TBCK: variants seen among roughly 807,000 people sequenced by gnomAD.
TBCK encodes TBC1 domain containing kinase, also known as TBC domain-containing protein kinase-like protein.
A neutral mutation model predicts 113.4 loss-of-function variants in TBCK; 99 were observed. That is an observed-to-expected ratio of 0.87 (90% CI 0.74 to 1.03). The LOEUF (loss-of-function observed/expected upper bound fraction) is 1.03, where lower values mean the gene tolerates loss of function less well. Ranked by LOEUF, TBCK falls within the 50% of genes least tolerant of loss-of-function variation. The pLI is 0.00. For synonymous variants in TBCK, 369 were observed against 370.8 expected, an observed-to-expected ratio of 1.00 and a Z score of 0.05; for missense variants, 1,045 against 1,061.3, an observed-to-expected ratio of 0.98 and a Z score of 0.21.
intron 22 of TBCK, among the ~76,000 whole-genome samples, chr4:106,188,422 T>C (rs1247134651): frequency 6.6e-6 from 1 of 152,148 alleles, no homozygotes; most frequent in Non-Finnish European, 1.5e-5. Context: ...AAGGCACATA[T>C]AAACATTCAA....
At chr4:106,314,020 G>C (rs1210015031) in intron 1 of TBCK, among the ~76,000 whole-genome samples, 1 of 152,146 alleles carries the variant, frequency 6.6e-6, no homozygotes, top group Non-Finnish European at 1.5e-5. Context: ...AAACATATCA[G>C]AGCATACAGC....
chr4:106,161,907 C>T (rs2149709600), intron 23 of TBCK, among the ~76,000 whole-genome samples: 1 of 152,166 alleles, frequency 6.6e-6, no homozygotes, highest in South Asian at 2.1e-4. Context: ...TCCATCCCAG[C>T]CACTCCCAAA....
chr4:106,284,322 C>A (rs560465462), intron 3 of TBCK, among the ~76,000 whole-genome samples: 5 of 152,150 alleles, frequency 3.3e-5, no homozygotes, highest in Non-Finnish European at 7.4e-5. Flanking sequence ...CAACTCTGGA[C>A]CACATTCCAG....
intron 24 of TBCK, among the ~76,000 whole-genome samples, chr4:106,112,140 C>T (rs1350007172): frequency 6.6e-6 from 1 of 152,222 alleles, no homozygotes; most frequent in Non-Finnish European, 1.5e-5. Context: ...GGGACTAAAA[C>T]ACTCTTTCCC....
rs567384222 is a variant in TBCK, at chr4:106,303,515, AT to A, written c.193+5252del. ...GCTGCAATTTTAAACTTAAAATTTCATTTCCTTAGATGTTTACTATAGACTA... is the reference window on the plus strand; with the variant it reads ...GCTGCAATTTTAAACTTAAAATTTCATTCCTTAGATGTTTACTATAGACTA... On this transcript the variant is annotated intron_variant, in intron 2 of 25. Transcript: ENST00000394708. Among the ~76,000 whole-genome samples the A allele has an allele frequency of 3.6e-4, 55 of 152,244 alleles. 1 individual carries two copies. In the South Asian group the frequency reaches 5.0e-3, roughly 14 times the overall value.
At chr4:106,315,470 T>C (rs1053145540) in intron 1 of TBCK, 2 of 152,220 alleles carry the variant, frequency 1.3e-5, no homozygotes, top group African/African-American at 4.8e-5. Flanking sequence ...TTGTCTCAAA[T>C]AGATAGAAAC....
chr4:106,185,781 G>A lies in TBCK; in HGVS notation c.2059+7828C>T, dbSNP rs545352476. 2.0e-5 allele frequency among the ~76,000 whole-genome samples: 3 copies of A among 151,926 alleles called. No individual in the cohort carries two copies. The South Asian group carries it at 6.2e-4, about 32-fold the overall frequency. On this transcript the variant is annotated intron_variant, in intron 22 of 25. Transcript: ENST00000394708. Reference sequence around the variant, plus strand: ...AGTACATGTATGGGTGTGTTATATGGGTAGGTTGCGTGCTGCAGAGGTTTG... The same window carrying A: ...AGTACATGTATGGGTGTGTTATATGAGTAGGTTGCGTGCTGCAGAGGTTTG...
chr4:106,143,946 G>A (rs1044523547), intron 23 of TBCK, among the ~76,000 whole-genome samples: 4 of 149,344 alleles, frequency 2.7e-5, no homozygotes, highest in Non-Finnish European at 5.9e-5. Flanking sequence ...GGCAAAACCC[G>A]CAATTACTCT....
At chr4:106,157,692 T>C (rs1208797718) in intron 23 of TBCK, among the ~76,000 whole-genome samples, 1 of 152,122 alleles carries the variant, frequency 6.6e-6, no homozygotes, top group Non-Finnish European at 1.5e-5. Flanking sequence ...GTATTGGTGA[T>C]TCAAGACTGT....
intron 23 of TBCK, among the ~76,000 whole-genome samples, chr4:106,166,490 T>G (rs1001323533): frequency 4.0e-5 from 6 of 151,706 alleles, no homozygotes; most frequent in Non-Finnish European, 5.9e-5. Flanking sequence ...TATTTTAGAT[T>G]TAGGAGTACA....
At chr4:106,298,996 C>A (rs1415868410) in intron 2 of TBCK, among the ~76,000 whole-genome samples, 3 of 152,110 alleles carry the variant, frequency 2.0e-5, no homozygotes, top group African/African-American at 7.2e-5. Context: ...ACTGTGATAT[C>A]TTTTTTCCTA....
intron 23 of TBCK, among the ~76,000 whole-genome samples, chr4:106,119,483 CCTAT>C (rs1187653643): frequency 6.6e-6 from 1 of 151,804 alleles, no homozygotes; most frequent in Non-Finnish European, 1.5e-5. Context: ...AAACTAGACC[CCTAT>C]CTCTTACTAT....
intron 3 of TBCK, among the ~76,000 whole-genome samples, chr4:106,288,633 C>T (rs1038245574): frequency 2.6e-5 from 4 of 152,040 alleles, no homozygotes; most frequent in Admixed American, 6.5e-5. Flanking sequence ...AGATAAATAC[C>T]GATAATCTTC....
chr4:106,263,180 T>C (rs1560931504), intron 3 of TBCK, among the ~76,000 whole-genome samples: 1 of 151,686 alleles, frequency 6.6e-6, no homozygotes, highest in East Asian at 1.9e-4. Flanking sequence ...TTTCTATCCA[T>C]TTTTTTTAAA....
At chr4:106,109,342 G>C (rs1413774060) in intron 24 of TBCK, among the ~76,000 whole-genome samples, 2 of 152,068 alleles carry the variant, frequency 1.3e-5, no homozygotes, top group East Asian at 1.9e-4. Context: ...AAAGAAGAAA[G>C]CTGGAGACAT....
intron 23 of TBCK, among the ~76,000 whole-genome samples, chr4:106,144,616 C>G (rs1398347624): frequency 6.6e-6 from 1 of 152,138 alleles, no homozygotes; most frequent in Non-Finnish European, 1.5e-5. Context: ...ATGAGAGGGA[C>G]AAAAGGAAAA....
chr4:106,085,882 C>G (rs1308138475), intron 25 of TBCK, among the ~76,000 whole-genome samples: 1 of 151,556 alleles, frequency 6.6e-6, no homozygotes, highest in Admixed American at 6.6e-5. Flanking sequence ...AGGCAGAAAT[C>G]AAGTTCCTTG....
chr4:106,176,137 A>T (rs562639993), intron 22 of TBCK, among the ~76,000 whole-genome samples: 2 of 152,294 alleles, frequency 1.3e-5, no homozygotes, highest in South Asian at 4.1e-4. Flanking sequence ...CAGGGTAATC[A>T]GAACATCTAC....
At chr4:106,296,129 A>T (rs150479588) in intron 2 of TBCK, among the ~76,000 whole-genome samples, 7 of 152,292 alleles carry the variant, frequency 4.6e-5, no homozygotes, top group African/African-American at 1.7e-4. Flanking sequence ...GGGCCAGCCT[A>T]TACTTTTTTT....
Sources: gnomAD v4.1 joint callset for allele counts (sites outside exome capture counted in the v4.1 genomes callset) on GRCh38, gnomAD v4.1.1 for gene constraint, MANE v1.5 for transcripts, NCBI Gene and HGNC (gene_info 2026-07-23, HGNC 2026-07-21) for gene names.